CNTN6: variants seen among roughly 807,000 people sequenced by gnomAD.
CNTN6 encodes contactin 6.
A neutral mutation model predicts 122.8 loss-of-function variants in CNTN6; 137 were observed. The ratio of observed to expected loss-of-function variants is 1.12; its 90% CI spans 0.97 to 1.29. CNTN6 has a LOEUF of 1.29. Ranked by LOEUF, CNTN6 falls within the 50% of genes most tolerant of loss-of-function variation. The pLI is 0.00. For synonymous variants in CNTN6, 570 were observed against 426.0 expected, an observed-to-expected ratio of 1.34 and a Z score of -4.16; for missense variants, 1,634 against 1,223.4, an observed-to-expected ratio of 1.34 and a Z score of -5.01.
chr3:1,352,186 C>A (rs946754233), intron 11 of CNTN6, 138 bp from the exon 12 acceptor site: 3 of 659,050 alleles, frequency 4.6e-6, no homozygotes, highest in Non-Finnish European at 6.9e-6. Context: ...CAATGAAGAA[C>A]AGAATAATAG....
intron 2 of CNTN6, among the ~76,000 whole-genome samples, chr3:1,212,385 G>A (rs943314459): frequency 1.3e-4 from 20 of 150,642 alleles, no homozygotes; most frequent in African/African-American, 4.9e-4. Flanking sequence ...ACATTTTGTA[G>A]AGAGTACCAT....
chr3:1,184,685 C>T (rs1390471753), intron 2 of CNTN6, among the ~76,000 whole-genome samples: 1 of 152,070 alleles, frequency 6.6e-6, no homozygotes, highest in Non-Finnish European at 1.5e-5. Context: ...ACAATAATGA[C>T]TCTCAATATG....
intron 1 of CNTN6, among the ~76,000 whole-genome samples, chr3:1,135,339 G>C (rs957790786): frequency 6.6e-6 from 1 of 152,148 alleles, no homozygotes; most frequent in African/African-American, 2.4e-5. Context: ...TTGACAATGG[G>C]AGCACATATC....
chr3:1,366,725 G>T (rs1399555557), intron 12 of CNTN6, among the ~76,000 whole-genome samples: 1 of 152,086 alleles, frequency 6.6e-6, no homozygotes, highest in Non-Finnish European at 1.5e-5. Flanking sequence ...AGCAATCAAT[G>T]GCCTCATGGC....
intron 12 of CNTN6, among the ~76,000 whole-genome samples, chr3:1,364,694 G>C (rs1707960576): frequency 1.3e-5 from 2 of 151,896 alleles, no homozygotes; most frequent in African/African-American, 2.4e-5. Context: ...CACAATAAAT[G>C]GTCCTGACAT....
chr3:1,314,870 G>C (rs1002789022), intron 7 of CNTN6, among the ~76,000 whole-genome samples: 2 of 152,006 alleles, frequency 1.3e-5, no homozygotes, highest in African/African-American at 2.4e-5. Flanking sequence ...AACAAAATAA[G>C]AAAAGGCTTT....
rs13326702 is a variant in CNTN6 at position 1,202,727 on chromosome 3, A to G, written c.56-17960A>G. Reference sequence around the variant, plus strand: ...CTTGAAGGAATAAACAGTAAATGTCAAGGGCTTTTCTCACACAGGGAATGA... The same window carrying G: ...CTTGAAGGAATAAACAGTAAATGTCGAGGGCTTTTCTCACACAGGGAATGA... On this transcript the variant is annotated intron_variant, in intron 2 of 22. Transcript: ENST00000446702. 3.9e-3 allele frequency among the ~76,000 whole-genome samples: 597 copies of G among 152,242 alleles called. 3 individuals carry two copies. The highest frequency in any genetic ancestry group is 0.013 in the African/African-American group (558 of 41,512).
At chr3:1,117,265 C>A (rs936877075) in intron 1 of CNTN6, among the ~76,000 whole-genome samples, 3 of 152,058 alleles carry the variant, frequency 2.0e-5, no homozygotes, top group Non-Finnish European at 4.4e-5. Flanking sequence ...ATTTGGAGTA[C>A]CATTTGGTGT....
rs1459841115 is a variant in CNTN6, at chr3:1,147,934, A to T, written c.-75A>T. ...CAATTTTGTCTTTTTCAGACTCTTG[A>T]GATACTGACTGGAAGATAGACTGTT... On this transcript the variant is annotated 5_prime_UTR_variant, in exon 2 of 23. Coordinates refer to ENST00000446702, the MANE Select transcript of CNTN6 (RefSeq NM_001289080.2). 9.7e-7 allele frequency: 1 copy of T among 1,033,946 alleles called. No individual in the cohort carries two copies. The highest frequency in any genetic ancestry group is 2.4e-5 in the East Asian group (1 of 41,998). 64.0% of individuals were successfully genotyped at this position (1,033,946 alleles called of 1,614,324 possible).
intron 1 of CNTN6, among the ~76,000 whole-genome samples, chr3:1,107,100 C>T (rs1390130354): frequency 6.6e-6 from 1 of 151,982 alleles, no homozygotes; most frequent in Non-Finnish European, 1.5e-5. Flanking sequence ...GACTCAAATG[C>T]TAGTTTTATC....
intron 2 of CNTN6, among the ~76,000 whole-genome samples, chr3:1,156,783 A>T (rs1192944884): frequency 2.0e-5 from 3 of 151,200 alleles, no homozygotes; most frequent in African/African-American, 7.3e-5. Context: ...GCGCTATCAA[A>T]GCTCACTTAC....
chr3:1,355,783 T>C (rs994379440), intron 12 of CNTN6, among the ~76,000 whole-genome samples: 2 of 151,816 alleles, frequency 1.3e-5, no homozygotes, highest in Admixed American at 1.3e-4. Context: ...TATCAGCCTC[T>C]GTCATGCAAG....
chr3:1,222,243 T>G (rs1272772625), intron 3 of CNTN6, among the ~76,000 whole-genome samples: 1 of 152,162 alleles, frequency 6.6e-6, no homozygotes, highest in Non-Finnish European at 1.5e-5. Context: ...CAGAGTTTGT[T>G]GATTTGTTAG....
intron 7 of CNTN6, among the ~76,000 whole-genome samples, chr3:1,300,539 GAGAAAGAAAGAGAAAGAAAAAGAA>G (rs1398306169): frequency 8.0e-6 from 1 of 125,150 alleles, no homozygotes; most frequent in Non-Finnish European, 1.6e-5. Flanking sequence ...AAGAAAGAGA[GAGAAAGAAAGAGAAAGAAAAAGAA>G]AGAAAGAAAG....
intron 2 of CNTN6, among the ~76,000 whole-genome samples, chr3:1,157,213 T>C (rs2092992846): frequency 7.1e-6 from 1 of 141,384 alleles, no homozygotes; most frequent in Non-Finnish European, 1.5e-5. Flanking sequence ...TATTTATTTA[T>C]TTATTTAATT....
intron 4 of CNTN6, among the ~76,000 whole-genome samples, chr3:1,245,303 T>TATATATAAC (rs1559597567): frequency 2.7e-4 from 2 of 7,338 alleles, no homozygotes; most frequent in Non-Finnish European, 5.1e-4. Flanking sequence ...AACATATATA[T>TATATATAAC]ATATATATAT....
intron 20 of CNTN6, among the ~76,000 whole-genome samples, chr3:1,395,808 T>C (rs756695836): frequency 2.0e-5 from 3 of 152,200 alleles, no homozygotes; most frequent in African/African-American, 4.8e-5. Context: ...GTATTAACTT[T>C]ATCATACTAA....
chr3:1,151,951 C>T (rs917569954), intron 2 of CNTN6, among the ~76,000 whole-genome samples: 1 of 152,058 alleles, frequency 6.6e-6, no homozygotes, highest in East Asian at 1.9e-4. Flanking sequence ...CGTTTATTCT[C>T]AGCCCTGAGT....
chr3:1,313,141 T>G (rs1251669899), intron 7 of CNTN6, among the ~76,000 whole-genome samples: 1 of 151,972 alleles, frequency 6.6e-6, no homozygotes, highest in Non-Finnish European at 1.5e-5. Context: ...AATTATCATT[T>G]TCTCTCCTAA....
Sources: gnomAD v4.1 joint callset for allele counts (sites outside exome capture counted in the v4.1 genomes callset) on GRCh38, gnomAD v4.1.1 for gene constraint, MANE v1.5 for transcripts, NCBI Gene and HGNC (gene_info 2026-07-23, HGNC 2026-07-21) for gene names.